Variants in GLMN observed in about 807,000 individuals in gnomAD.
GLMN encodes the protein glomulin, FKBP associated protein, also known as glomulin.
Under a neutral mutation model 87.8 loss-of-function variants are expected in GLMN, and 75 were observed. The observed-to-expected ratio is 0.85, with a 90% CI of 0.71 to 1.04. The LOEUF (loss-of-function observed/expected upper bound fraction) is 1.04, where lower values mean the gene tolerates loss of function less well. GLMN is among the 50% of genes least tolerant of loss of function. GLMN has a pLI of 0.00. For missense variants in GLMN, 588 were observed against 658.8 expected, an observed-to-expected ratio of 0.89 and a Z score of 1.18; for synonymous variants, 206 against 221.6, an observed-to-expected ratio of 0.93 and a Z score of 0.63.
At chr1:92,364,793 C>T in the GLMN span, among the ~76,000 whole-genome samples, 1 of 152,120 alleles carries the variant, frequency 6.6e-6, no homozygotes, top group Non-Finnish European at 1.5e-5. Flanking sequence ...GTCTCCTTGC[C>T]GTGTGTCTCT....
intron 16 of GLMN, among the ~76,000 whole-genome samples, chr1:92,251,215 A>AAAC (rs1653444807): frequency 6.6e-6 from 1 of 152,250 alleles, no homozygotes; most frequent in South Asian, 2.1e-4. Flanking sequence ...TAAAGGAATA[A>AAAC]AACAGAATAA....
At chr1:92,250,464 T>C (rs1459545645) in intron 16 of GLMN, among the ~76,000 whole-genome samples, 1 of 152,200 alleles carries the variant, frequency 6.6e-6, no homozygotes, top group Non-Finnish European at 1.5e-5. Flanking sequence ...ATCCTAAGTT[T>C]TTAGTATTTC....
the GLMN span, chr1:92,320,518 G>A: frequency 9.1e-7 from 1 of 1,103,770 alleles, no homozygotes; most frequent in South Asian, 1.3e-5. Flanking sequence ...AGATCCGCCT[G>A]CCCAGCCTCC....
chr1:92,329,280 GT>G, the GLMN span, among the ~76,000 whole-genome samples: 1 of 152,134 alleles, frequency 6.6e-6, no homozygotes, highest in Admixed American at 6.5e-5. Context: ...TCAGGTGGGG[GT>G]ACCATTGTGT....
the GLMN span, among the ~76,000 whole-genome samples, chr1:92,330,310 G>A: frequency 6.6e-6 from 1 of 152,066 alleles, no homozygotes; most frequent in Non-Finnish European, 1.5e-5. Context: ...TAATCATTTG[G>A]TAAAACAAGT....
chr1:92,335,348 G>A, the GLMN span, among the ~76,000 whole-genome samples: 2 of 152,090 alleles, frequency 1.3e-5, no homozygotes, highest in Non-Finnish European at 2.9e-5. Flanking sequence ...TTTGGAACAT[G>A]TGTGAAACTT....
chr1:92,313,878 AT>A, the GLMN span, among the ~76,000 whole-genome samples: 1 of 152,142 alleles, frequency 6.6e-6, no homozygotes, highest in Non-Finnish European at 1.5e-5. Flanking sequence ...TTGCACTTTT[AT>A]GTTGTGGAGA....
chr1:92,283,349 ACAGAAC>A (rs1300631436), intron 7 of GLMN, among the ~76,000 whole-genome samples: 1 of 152,192 alleles, frequency 6.6e-6, no homozygotes, highest in Non-Finnish European at 1.5e-5. Flanking sequence ...TATCACATAA[ACAGAAC>A]CAATGACAAA....
At chr1:92,350,295 T>C in the GLMN span, among the ~76,000 whole-genome samples, 1 of 152,180 alleles carries the variant, frequency 6.6e-6, no homozygotes, top group South Asian at 2.1e-4. Flanking sequence ...TTATTCTTAT[T>C]TAATAAATGT....
At chr1:92,348,668 T>TA in the GLMN span, among the ~76,000 whole-genome samples, 6 of 152,232 alleles carry the variant, frequency 3.9e-5, no homozygotes, top group East Asian at 1.2e-3. Flanking sequence ...GCTCAACTGA[T>TA]AGACTTTTTT....
chr1:92,323,663 T>A, the GLMN span: 1 of 1,613,324 alleles, frequency 6.2e-7, no homozygotes, highest in Non-Finnish European at 8.5e-7. Context: ...AAAAGCATAA[T>A]GAAAAAGAAA....
At chr1:92,333,623 G>A in the GLMN span, 4 of 630,108 alleles carry the variant, frequency 6.3e-6, no homozygotes, top group Non-Finnish European at 1.1e-5. Flanking sequence ...AAGAAATTTG[G>A]ATTTTTAAGA....
At chr1:92,323,101 A>G in the GLMN span, among the ~76,000 whole-genome samples, 1 of 147,662 alleles carries the variant, frequency 6.8e-6, no homozygotes, top group African/African-American at 2.5e-5. Flanking sequence ...ATTTGCAACA[A>G]CAGGCAAATC....
At chr1:92,310,479 G>C in the GLMN span, among the ~76,000 whole-genome samples, 3 of 152,086 alleles carry the variant, frequency 2.0e-5, no homozygotes, top group Non-Finnish European at 4.4e-5. Flanking sequence ...GGAAAAAATT[G>C]CTTCTTTTAA....
At chr1:92,311,914 T>A in the GLMN span, among the ~76,000 whole-genome samples, 1 of 152,246 alleles carries the variant, frequency 6.6e-6, no homozygotes, top group Non-Finnish European at 1.5e-5. Flanking sequence ...ATTAATCTTT[T>A]TGCTGGTGAA....
At chr1:92,304,330 A>G in the GLMN span, 21 of 1,522,864 alleles carry the variant, frequency 1.4e-5, no homozygotes, top group Non-Finnish European at 1.7e-5. Context: ...AATAAAGTCT[A>G]TGATATTACT....
At chr1:92,293,445 A>G (rs1649658898) in intron 3 of GLMN, among the ~76,000 whole-genome samples, 1 of 151,662 alleles carries the variant, frequency 6.6e-6, no homozygotes, top group Admixed American at 6.6e-5. Context: ...AGCTGGGGCT[A>G]CAGGTGCCCG....
intron 11 of GLMN, among the ~76,000 whole-genome samples, chr1:92,267,155 G>C (rs935187734): frequency 6.6e-6 from 1 of 152,218 alleles, no homozygotes; most frequent in East Asian, 1.9e-4. Flanking sequence ...CTAACAAAGA[G>C]GATTGGGCAA....
At chr1:92,368,985 T>C in the GLMN span, among the ~76,000 whole-genome samples, 19 of 152,252 alleles carry the variant, frequency 1.2e-4, no homozygotes, top group Admixed American at 9.8e-4. Context: ...TTGTGATTTA[T>C]ACATTGTAAG....
Sources: allele counts gnomAD v4.1 joint callset (sites outside exome capture counted in the v4.1 genomes callset), GRCh38; gene constraint gnomAD v4.1.1; transcripts MANE v1.5; gene names NCBI Gene and HGNC (gene_info 2026-07-23, HGNC 2026-07-21).